Variants in CCDC88C observed in about 807,000 individuals in gnomAD.
CCDC88C encodes coiled-coil and HOOK domain protein 88C.
Under a neutral mutation model 198.8 loss-of-function variants are expected in CCDC88C, and 131 were observed. That is an observed-to-expected ratio of 0.66 (90% CI 0.57 to 0.76). The LOEUF (loss-of-function observed/expected upper bound fraction) is 0.76, where lower values mean the gene tolerates loss of function less well. CCDC88C is among the 30% of genes least tolerant of loss of function. The pLI is 0.00. For missense variants in CCDC88C, 2,553 were observed against 2,631.6 expected (o/e 0.97, Z 0.65); for synonymous variants, 1,166 against 1,114.7 (o/e 1.05, Z -0.92).
In CCDC88C at chr14:91,278,003, C is replaced by A; in HGVS notation, c.4977G>T (p.Arg1659=). 1 of 1,581,812 alleles carries A rather than the reference C, an allele frequency of 6.3e-7. No homozygotes were observed. The highest frequency in any genetic ancestry group is 1.3e-5 in the African/African-American group (1 of 74,338). ...CACTGCTGGGGGAGGCCGAGCAGGGCCGCACTCCGACGTAGGGAGGGGCTG... is the reference window on the plus strand; with the variant it reads ...CACTGCTGGGGGAGGCCGAGCAGGGACGCACTCCGACGTAGGGAGGGGCTG... ...RGTAPPYVGV[R]PCSASPSSEM... Residue 1659 remains arginine, a synonymous_variant, in exon 29 of 30, where the codon CGG becomes CGT. Coordinates refer to ENST00000389857, the MANE Select transcript of CCDC88C (RefSeq NM_001080414.4).
Position 91,271,759 on chromosome 14 carries a change from C to T in CCDC88C, c.*866G>A, listed in dbSNP as rs558023619. The T allele has an allele frequency of 4.6e-5, 7 of 152,572 alleles. No individual in the cohort carries two copies. Among genetic ancestry groups the T allele is most frequent in the Admixed American group, 2.0e-4 (3 of 15,288 alleles). 9.5% of individuals were successfully genotyped at this position (152,572 alleles called of 1,614,324 possible). On this transcript the variant is annotated 3_prime_UTR_variant, in exon 30 of 30. Transcript: ENST00000389857. ...CCCCGAGACCGGGGATGTCGGGTGC[C>T]GCAGCCAGGTTACACATCGAGCTTG...
intron 3 of CCDC88C, among the ~76,000 whole-genome samples, chr14:91,372,977 A>G (rs1894892671): frequency 1.3e-5 from 2 of 152,110 alleles, no homozygotes; most frequent in African/African-American, 4.8e-5. Flanking sequence ...GGGGCGACAC[A>G]CCATCCTCCC....
chr14:91,416,487 ACCACGTAAATGACAG>A (rs748644922), intron 2 of CCDC88C, among the ~76,000 whole-genome samples: 2 of 152,150 alleles, frequency 1.3e-5, no homozygotes, highest in African/African-American at 2.4e-5. Flanking sequence ...CACTATCTAC[ACCACGTAAATGACAG>A]TCATTCAATT....
At chr14:91,290,817 C>T (rs369130225) in intron 24 of CCDC88C, among the ~76,000 whole-genome samples, 178 bp downstream of exon 24, 16 of 152,342 alleles carry the variant, frequency 1.1e-4, no homozygotes, top group African/African-American at 3.6e-4. Context: ...CCACCCCTCA[C>T]AGGACAAGCT....
intron 13 of CCDC88C, among the ~76,000 whole-genome samples, chr14:91,317,936 C>G (rs989657031): frequency 6.6e-6 from 1 of 152,244 alleles, no homozygotes; most frequent in African/African-American, 2.4e-5. Context: ...CCCTGGTGAC[C>G]TGCCAGAAGG....
chr14:91,349,817 T>G (rs1893704958), intron 4 of CCDC88C, among the ~76,000 whole-genome samples: 1 of 152,220 alleles, frequency 6.6e-6, no homozygotes, highest in South Asian at 2.1e-4. Context: ...GGAAACTGCC[T>G]GATAGCACAC....
At chr14:91,411,962 CAAAA>C (rs35255337) in intron 2 of CCDC88C, among the ~76,000 whole-genome samples, 2 of 97,842 alleles carry the variant, frequency 2.0e-5, no homozygotes, top group Non-Finnish European at 2.3e-5. Context: ...GACTCCATCT[CAAAA>C]AAAAAAAAAA....
Position 91,288,795 on chromosome 14 carries a change from G to A in CCDC88C, c.4441+310C>T, listed in dbSNP as rs557187250. ...GGTGGGCGCCTATAATCCCAGCTACGTAGGAGGCTGAGGCAGGAGAATCAC... is the reference window on the plus strand; with the variant it reads ...GGTGGGCGCCTATAATCCCAGCTACATAGGAGGCTGAGGCAGGAGAATCAC... On this transcript the variant is annotated intron_variant, in intron 25 of 29. Coordinates refer to ENST00000389857, the MANE Select transcript of CCDC88C (RefSeq NM_001080414.4). This position sits in a 1 kb window ranked among gnomAD's most constrained non-coding sequence, Gnocchi z 4.2. The A allele has an allele frequency of 3.7e-5, 9 of 242,822 alleles. No homozygotes were observed. Among genetic ancestry groups the A allele is most frequent in the Admixed American group, 1.0e-4 (2 of 20,028 alleles). 15.0% of individuals were successfully genotyped at this position (242,822 alleles called of 1,614,324 possible).
chr14:91,344,015 T>A (rs955899363), intron 4 of CCDC88C, among the ~76,000 whole-genome samples: 4 of 151,982 alleles, frequency 2.6e-5, no homozygotes, highest in African/African-American at 9.7e-5. Flanking sequence ...GAGATGGGTT[T>A]TTGCCATGTT....
intron 3 of CCDC88C, among the ~76,000 whole-genome samples, chr14:91,398,808 T>C (rs535805489): frequency 6.6e-6 from 1 of 152,306 alleles, no homozygotes; most frequent in East Asian, 1.9e-4. Context: ...TGCAGCCCTC[T>C]TGTCTGGCTG....
intron 2 of CCDC88C, among the ~76,000 whole-genome samples, chr14:91,413,842 G>A (rs1886913319): frequency 1.3e-5 from 2 of 152,202 alleles, no homozygotes; most frequent in South Asian, 4.1e-4. Context: ...AGCTCTGTTA[G>A]CAGTACTGCT....
At position 91,300,031 on chromosome 14, in the gene CCDC88C, C is replaced by T; in HGVS notation, c.3675G>A (p.Glu1225=). 1.2e-6 allele frequency: 2 copies of T among 1,606,380 alleles called. No individual in the cohort carries two copies. The highest frequency in any genetic ancestry group is 2.2e-5 in the South Asian group (2 of 89,382). Residue 1225 remains glutamate, a synonymous_variant, in exon 21 of 30, where the codon GAG becomes GAA. Transcript: ENST00000389857. ...GCTCAGTGGTCAAGACCTTCTCCCGCTCCTCCAGCTCCGCCTTGCGCTTCA... is the reference window on the plus strand; with the variant it reads ...GCTCAGTGGTCAAGACCTTCTCCCGTTCCTCCAGCTCCGCCTTGCGCTTCA... The part of the protein sequence containing the change: ...DMLKRKAELE[E]REKVLTTERE...
chr14:91,385,968 C>G (rs1056670866), intron 3 of CCDC88C, among the ~76,000 whole-genome samples: 23 of 152,138 alleles, frequency 1.5e-4, no homozygotes, highest in Non-Finnish European at 3.1e-4. Flanking sequence ...AGCAGAATGG[C>G]CTGTATTCCA....
At chr14:91,276,582 AC>A (rs1270576632) in intron 29 of CCDC88C, among the ~76,000 whole-genome samples, 1 of 152,238 alleles carries the variant, frequency 6.6e-6, no homozygotes, top group African/African-American at 2.4e-5. Flanking sequence ...ATAAATATCT[AC>A]CAAACACACA....
intron 3 of CCDC88C, among the ~76,000 whole-genome samples, chr14:91,397,723 T>A (rs1885936099): frequency 6.6e-6 from 1 of 152,174 alleles, no homozygotes. Context: ...TCCTCTGGGC[T>A]CCAGGCTGGT....
Position 91,273,557 on chromosome 14 carries a change from T to G in CCDC88C, c.5155A>C (p.Lys1719Gln). ...IGGQPGPPAK[K>Q]EGAKMPTNFV... ...TTGGTGGGCATCTTGGCCCCTTCTT[T>G]CTTGGCAGGTGGTCCTGGTTGGCCT... The change falls in exon 30 of 30, where the codon AAA becomes CAA. Residue 1719 changes from lysine to glutamine, a missense_variant. This residue lies in a region of CCDC88C where 1,293 missense variants were observed against 1,219.6 expected (regional missense o/e 1.06). Transcript: ENST00000389857. This position sits in a 1 kb window ranked among gnomAD's most constrained non-coding sequence, Gnocchi z 5.6. 1 of 1,505,706 alleles carries G rather than the reference T, an allele frequency of 6.6e-7. No individual in the cohort carries two copies. Among genetic ancestry groups the G allele is most frequent in the East Asian group, 2.3e-5 (1 of 42,586 alleles). 93.3% of individuals were successfully genotyped at this position (1,505,706 alleles called of 1,614,324 possible). A position where few individuals can be genotyped will look rare whatever the true frequency, so the allele number is the denominator to read the frequency against.
chr14:91,330,928 G>A (rs560422562), intron 10 of CCDC88C, among the ~76,000 whole-genome samples: 10 of 152,098 alleles, frequency 6.6e-5, no homozygotes, highest in Non-Finnish European at 1.3e-4. Context: ...CAGAGGGCAA[G>A]GGGTGAATGA....
In CCDC88C at chr14:91,338,934, G is replaced by A; in HGVS notation, c.809+344C>T. The A allele has an allele frequency of 2.1e-6, 1 of 478,448 alleles. No individual in the cohort carries two copies. The highest frequency in any genetic ancestry group is 3.8e-6 in the Non-Finnish European group (1 of 260,022). The allele number at this position is 478,448 out of a possible 1,614,324, so 29.6% of individuals were successfully genotyped here. A position where few individuals can be genotyped will look rare whatever the true frequency, so the allele number is the denominator to read the frequency against. On this transcript the variant is annotated intron_variant, in intron 8 of 29. Transcript: ENST00000389857. The surrounding 1 kb of genome is among the most constrained non-coding windows in gnomAD (Gnocchi z 4.8). Reference sequence around the variant, plus strand: ...AGGCTCACCAGATTGGAGGGAAGGAGGGGCACCTCATCCCTCCAGCCAAGA... The same window carrying A: ...AGGCTCACCAGATTGGAGGGAAGGAAGGGCACCTCATCCCTCCAGCCAAGA...
Position 91,339,883 on chromosome 14 carries a change from C to T in CCDC88C, c.624+1G>A, listed in dbSNP as rs1188098448. ...ACCGGGCCACCGACCCGCGGACGCACCTCGGTGCACTCGTCCCGCTGGTCG... is the reference window on the plus strand; with the variant it reads ...ACCGGGCCACCGACCCGCGGACGCATCTCGGTGCACTCGTCCCGCTGGTCG... On this transcript the variant is annotated splice_donor_variant, in intron 7 of 29. Coordinates refer to ENST00000389857, the MANE Select transcript of CCDC88C (RefSeq NM_001080414.4). LOFTEE classifies it high-confidence loss of function. The surrounding 1 kb of genome is among the most constrained non-coding windows in gnomAD (Gnocchi z 5.8). The T allele has an allele frequency of 1.3e-6, 2 of 1,582,776 alleles. No homozygotes were observed. Among genetic ancestry groups the T allele is most frequent in the East Asian group, 2.3e-5 (1 of 42,800 alleles).
Sources: allele counts gnomAD v4.1 joint callset (sites outside exome capture counted in the v4.1 genomes callset), GRCh38; gene constraint gnomAD v4.1.1; regional missense constraint gnomAD v4.1.1; non-coding constraint Gnocchi (gnomAD v3.1); transcripts MANE v1.5; gene names NCBI Gene and HGNC (gene_info 2026-07-23, HGNC 2026-07-21).